The following FBXL7 variants were observed in gnomAD, a reference collection of about 807,000 sequenced individuals.
FBXL7 encodes F-box and leucine rich repeat protein 7.
In FBXL7, 12 loss-of-function variants were observed where a neutral mutation model predicts 38.3. The observed-to-expected ratio is 0.31, with a 90% CI of 0.20 to 0.51. FBXL7 has a LOEUF of 0.51. Ranked by LOEUF, FBXL7 falls within the 20% of genes least tolerant of loss-of-function variation. The probability of loss-of-function intolerance (pLI) is 0.98; values close to 1 mark genes in which losing one functional copy is unlikely to be tolerated. For missense variants in FBXL7, 567 were observed against 676.4 expected (o/e 0.84, Z 1.79); for synonymous variants, 297 against 300.9 (o/e 0.99, Z 0.13).
intron 2 of FBXL7, among the ~76,000 whole-genome samples, chr5:15,743,334 G>C (rs1464393739): frequency 6.6e-6 from 1 of 152,224 alleles, no homozygotes; most frequent in Admixed American, 6.5e-5. Context: ...AAACACACCT[G>C]TTCCAAATGA....
chr5:15,911,464 G>A (rs1437573098), intron 2 of FBXL7, among the ~76,000 whole-genome samples: 25 of 140,072 alleles, frequency 1.8e-4, no homozygotes, highest in South Asian at 4.2e-4. Context: ...TTTGCCTTTG[G>A]TTTGAATGTC....
chr5:15,522,264 C>G (rs1737117816), intron 1 of FBXL7, among the ~76,000 whole-genome samples: 1 of 152,176 alleles, frequency 6.6e-6, no homozygotes, highest in Non-Finnish European at 1.5e-5. Flanking sequence ...TGTTAGTCCC[C>G]TTTTGTCCCA....
intron 2 of FBXL7, among the ~76,000 whole-genome samples, chr5:15,765,056 C>A (rs1736549697): frequency 6.6e-6 from 1 of 152,092 alleles, no homozygotes; most frequent in Non-Finnish European, 1.5e-5. Context: ...GAATGGAATT[C>A]TTTTGAGGAG....
intron 2 of FBXL7, among the ~76,000 whole-genome samples, chr5:15,767,942 T>C (rs998388734): frequency 1.3e-5 from 2 of 152,232 alleles, no homozygotes; most frequent in African/African-American, 2.4e-5. Flanking sequence ...CTTTTTGTTA[T>C]GTTTGCTTCA....
intron 1 of FBXL7, among the ~76,000 whole-genome samples, chr5:15,613,910 G>A (rs77786100): frequency 0.08 from 12,127 of 152,182 alleles, 585 homozygotes; most frequent in South Asian, 0.13. Flanking sequence ...GTCTGGTGAG[G>A]ATGCACTTCC....
At chr5:15,835,780 T>G (rs2126778441) in intron 2 of FBXL7, among the ~76,000 whole-genome samples, 1 of 152,268 alleles carries the variant, frequency 6.6e-6, no homozygotes, top group Non-Finnish European at 1.5e-5. Context: ...AAAAATCATC[T>G]TCATGTGCTT....
At chr5:15,664,737 T>A (rs1296722708) in intron 2 of FBXL7, among the ~76,000 whole-genome samples, 2 of 152,118 alleles carry the variant, frequency 1.3e-5, no homozygotes, top group African/African-American at 4.8e-5. Context: ...CCCAAAGTGC[T>A]GGGACTATAG....
chr5:15,891,461 T>C (rs1286475013), intron 2 of FBXL7, among the ~76,000 whole-genome samples: 1 of 152,196 alleles, frequency 6.6e-6, no homozygotes, highest in Non-Finnish European at 1.5e-5. Context: ...CAAACATTTA[T>C]TAAAGTACAT....
At chr5:15,831,164 A>G (rs1738447319) in intron 2 of FBXL7, among the ~76,000 whole-genome samples, 1 of 152,194 alleles carries the variant, frequency 6.6e-6, no homozygotes, top group South Asian at 2.1e-4. Flanking sequence ...CAAACTGCCT[A>G]TAACCTCACC....
chr5:15,546,583 T>C (rs966098771), intron 1 of FBXL7, among the ~76,000 whole-genome samples: 1 of 150,848 alleles, frequency 6.6e-6, no homozygotes, highest in Non-Finnish European at 1.5e-5. Context: ...AAACAAAAAT[T>C]AGCTGGGTGT....
intron 2 of FBXL7, among the ~76,000 whole-genome samples, chr5:15,633,739 ATATTATTATTATTATTAT>A (rs35409501): frequency 1.0e-4 from 15 of 143,428 alleles, no homozygotes; most frequent in East Asian, 2.0e-4. Flanking sequence ...AGGGACACAG[ATATTATTATTATTATTAT>A]TATTATTATT....
intron 2 of FBXL7, among the ~76,000 whole-genome samples, chr5:15,924,882 C>A (rs1741841758): frequency 6.6e-6 from 1 of 152,198 alleles, no homozygotes; most frequent in African/African-American, 2.4e-5. Context: ...CCACCTCAGC[C>A]TCCCAAAGGG....
At chr5:15,921,684 G>T (rs1050800130) in intron 2 of FBXL7, among the ~76,000 whole-genome samples, 2 of 152,086 alleles carry the variant, frequency 1.3e-5, no homozygotes, top group Admixed American at 1.3e-4. Context: ...ATGAGCAAAA[G>T]ACTTAAATAG....
chr5:15,689,291 T>G (rs1040227722), intron 2 of FBXL7, among the ~76,000 whole-genome samples: 3 of 147,200 alleles, frequency 2.0e-5, no homozygotes, highest in African/African-American at 7.5e-5. Context: ...TTTAGAAAAA[T>G]GCACAAGGTA....
At chr5:15,867,992 T>C (rs530704010) in intron 2 of FBXL7, among the ~76,000 whole-genome samples, 6 of 151,648 alleles carry the variant, frequency 4.0e-5, no homozygotes, top group African/African-American at 1.5e-4. Flanking sequence ...TAGTCTCAGC[T>C]ACTTAGGAGG....
intron 2 of FBXL7, among the ~76,000 whole-genome samples, chr5:15,664,122 T>C (rs1742188894): frequency 6.6e-6 from 1 of 152,172 alleles, no homozygotes; most frequent in Non-Finnish European, 1.5e-5. Flanking sequence ...TTATATCTCT[T>C]AGAAATTTTT....
At chr5:15,790,164 A>G (rs1380001314) in intron 2 of FBXL7, among the ~76,000 whole-genome samples, 5 of 152,192 alleles carry the variant, frequency 3.3e-5, no homozygotes, top group African/African-American at 4.8e-5. Context: ...TGTTACAGTC[A>G]ATCTATCCTT....
intron 2 of FBXL7, among the ~76,000 whole-genome samples, chr5:15,655,610 A>T (rs888700703): frequency 6.6e-6 from 1 of 152,232 alleles, no homozygotes; most frequent in Non-Finnish European, 1.5e-5. Context: ...TGTCTTCATA[A>T]ATAAACTATG....
intron 2 of FBXL7, among the ~76,000 whole-genome samples, chr5:15,705,373 C>G (rs1056937958): frequency 1.3e-5 from 2 of 152,246 alleles, no homozygotes; most frequent in East Asian, 1.9e-4. Flanking sequence ...CTCCTGAGGG[C>G]GAGAATCCTA....
Sources: allele counts gnomAD v4.1 joint callset (sites outside exome capture counted in the v4.1 genomes callset), GRCh38; gene constraint gnomAD v4.1.1; transcripts MANE v1.5; gene names NCBI Gene and HGNC (gene_info 2026-07-23, HGNC 2026-07-21).